Variants in CASS4 observed in about 807,000 individuals in gnomAD.
CASS4 encodes the protein cas scaffolding protein family member 4.
Under a neutral mutation model 54.2 loss-of-function variants are expected in CASS4, and 22 were observed. The observed-to-expected ratio is 0.41, with a 90% CI of 0.29 to 0.58. The LOEUF is 0.58. CASS4 is among the 20% of genes least tolerant of loss of function. CASS4 has a pLI of 0.36. For synonymous variants in CASS4, 409 were observed against 391.5 expected (o/e 1.04, Z -0.53); for missense variants, 854 against 986.7 (o/e 0.87, Z 1.80).
intron 1 of CASS4, among the ~76,000 whole-genome samples, chr20:56,425,913 C>G (rs1226445474): frequency 6.6e-6 from 1 of 152,188 alleles, no homozygotes; most frequent in African/African-American, 2.4e-5. Flanking sequence ...CAATGCAGAC[C>G]TATGCTCATC....
intron 2 of CASS4, among the ~76,000 whole-genome samples, chr20:56,441,448 C>A (rs556623191): frequency 6.6e-6 from 1 of 151,822 alleles, no homozygotes; most frequent in South Asian, 2.1e-4. Flanking sequence ...CTACTAAAAA[C>A]ACAAAAATTA....
Position 56,450,604 on chromosome 20 carries a change from A to G in CASS4, c.567A>G (p.Pro189=). The G allele has an allele frequency of 6.2e-7, 1 of 1,614,190 alleles. No individual in the cohort carries two copies. Among genetic ancestry groups the G allele is most frequent in the South Asian group, 1.1e-5 (1 of 91,076 alleles). ...QHRGPVVLKE[P]EKQQLYDIPA... is the part of the protein sequence containing the mutation. ...CCTTTGTGGTCTTTCCCCAGGAGCCAGAGAAGCAGCAGTTATATGACATAC... is the reference window on the plus strand; with the variant it reads ...CCTTTGTGGTCTTTCCCCAGGAGCCGGAGAAGCAGCAGTTATATGACATAC... The change falls in exon 4 of 6, where the codon CCA becomes CCG. Residue 189 remains proline, a synonymous_variant. Transcript: ENST00000679887.
chr20:56,453,438 A>G (rs1981139120), intron 5 of CASS4: 2 of 216,550 alleles, frequency 9.2e-6, no homozygotes, highest in Non-Finnish European at 1.8e-5. Context: ...TTATTTGAGT[A>G]GATTTTTAAA....
intron 3 of CASS4, among the ~76,000 whole-genome samples, chr20:56,449,529 G>T (rs1980891784): frequency 6.6e-6 from 1 of 152,046 alleles, no homozygotes; most frequent in Non-Finnish European, 1.5e-5. Context: ...GTTAATGGGT[G>T]CAGCACACCA....
Position 56,447,223 on chromosome 20 carries a change from A to G in CASS4, c.561+1222A>G, listed in dbSNP as rs200563468. On this transcript the variant is annotated intron_variant, in intron 3 of 5. Coordinates refer to ENST00000679887, the MANE Select transcript of CASS4 (RefSeq NM_020356.4). ...ACTCTGTCTGAAAAAAAAAAAAATC[A>G]AAATCAAAAATTAAAAAAAAAAGAA... 8.0e-5 allele frequency among the ~76,000 whole-genome samples: 12 copies of G among 150,730 alleles called. No individual in the cohort carries two copies. In the East Asian group the frequency reaches 1.8e-3, roughly 22 times the overall value.
At position 56,453,032 on chromosome 20, in the gene CASS4, C is replaced by G; in HGVS notation, c.1856C>G (p.Thr619Ser). Reference sequence around the variant, plus strand: ...TACATCCAGCCTCCCCAAAGAGAAACTGAATCACACCAAAAGAGTACCCCT... The same window carrying G: ...TACATCCAGCCTCCCCAAAGAGAAAGTGAATCACACCAAAAGAGTACCCCT... ...EKYIQPPQRE[T>S]ESHQKSTPST... The change falls in exon 5 of 6, where the codon ACT (threonine) becomes AGT (serine). Residue 619 changes from threonine (T) to serine (S), a missense_variant. Physicochemically the swap from Thr to Ser is moderately conservative, Grantham distance 58. Coordinates refer to ENST00000679887, the MANE Select transcript of CASS4 (RefSeq NM_020356.4). The G allele has an allele frequency of 6.2e-7, 1 of 1,614,088 alleles. No homozygotes were observed. Among genetic ancestry groups the G allele is most frequent in the South Asian group, 1.1e-5 (1 of 91,086 alleles).
intron 1 of CASS4, among the ~76,000 whole-genome samples, chr20:56,429,081 G>C (rs1979777770): frequency 6.6e-6 from 1 of 152,254 alleles, no homozygotes; most frequent in Non-Finnish European, 1.5e-5. Context: ...CCCCGGCCTA[G>C]AGAGGGGATT....
At chr20:56,450,094 C>T (rs973545781) in intron 3 of CASS4, among the ~76,000 whole-genome samples, 6 of 151,182 alleles carry the variant, frequency 4.0e-5, no homozygotes, top group Admixed American at 1.3e-4. Flanking sequence ...CACAATGGTG[C>T]GATCTTGGCT....
chr20:56,447,689 G>C (rs1420680994), intron 3 of CASS4, among the ~76,000 whole-genome samples: 2 of 152,208 alleles, frequency 1.3e-5, no homozygotes, highest in African/African-American at 2.4e-5. Flanking sequence ...CTCTGGGGCA[G>C]GCAGGTCATT....
intron 2 of CASS4, among the ~76,000 whole-genome samples, chr20:56,440,432 CCT>C (rs1444224042): frequency 1.3e-5 from 2 of 152,184 alleles, no homozygotes; most frequent in African/African-American, 4.8e-5. Flanking sequence ...GATGCGCTGT[CCT>C]CTGTTGGTTG....
intron 1 of CASS4, among the ~76,000 whole-genome samples, chr20:56,417,790 T>G (rs1979217021): frequency 6.6e-6 from 1 of 152,220 alleles, no homozygotes; most frequent in Non-Finnish European, 1.5e-5. Flanking sequence ...CTCTCAGCTC[T>G]CTAACCCCTA....
chr20:56,452,392 A>G lies in CASS4; in HGVS notation c.1216A>G (p.Arg406Gly). 1.2e-6 allele frequency: 2 copies of G among 1,614,026 alleles called. No homozygotes were observed. The highest frequency in any genetic ancestry group is 2.2e-5 in the South Asian group (2 of 91,084). Reference sequence around the variant, plus strand: ...ATTATCAGGTTCCAGTTCTGACAGCAGAGCTAGCATCGTTTCCTCGTGCTC... The same window carrying G: ...ATTATCAGGTTCCAGTTCTGACAGCGGAGCTAGCATCGTTTCCTCGTGCTC... ...DRLSGSSSDS[R>G]ASIVSSCSTT... Residue 406 changes from arginine to glycine, a missense_variant, in exon 5 of 6, where the codon AGA (arginine) becomes GGA (glycine). Arg to Gly is a moderately radical substitution (Grantham distance 125). Transcript: ENST00000679887.
At chr20:56,418,457 G>T (rs1332376560) in intron 1 of CASS4, among the ~76,000 whole-genome samples, 1 of 152,178 alleles carries the variant, frequency 6.6e-6, no homozygotes, top group African/African-American at 2.4e-5. Flanking sequence ...GAAACCACCA[G>T]CCCACTTAAA....
chr20:56,426,375 C>T (rs930990952), intron 1 of CASS4, among the ~76,000 whole-genome samples: 4 of 152,182 alleles, frequency 2.6e-5, no homozygotes, highest in Non-Finnish European at 5.9e-5. Flanking sequence ...GTTGAGAACC[C>T]GCGAGCTATC....
At chr20:56,440,988 A>ATTT (rs751312557) in intron 2 of CASS4, among the ~76,000 whole-genome samples, 24 of 134,934 alleles carry the variant, frequency 1.8e-4, no homozygotes, top group African/African-American at 5.2e-4. Context: ...AAAAAAAAAA[A>ATTT]TTTTTTTTTT....
intron 5 of CASS4, chr20:56,453,795 G>A (rs910983918): frequency 6.6e-6 from 1 of 152,342 alleles, no homozygotes; most frequent in Non-Finnish European, 1.5e-5. Flanking sequence ...TATCCCTTGA[G>A]ACCAGGAGTT....
intron 1 of CASS4, among the ~76,000 whole-genome samples, chr20:56,431,189 G>A (rs1979887621): frequency 6.6e-6 from 1 of 152,192 alleles, no homozygotes; most frequent in Admixed American, 6.5e-5. Context: ...AAGAAAGTCT[G>A]CCTCTGAGAT....
In CASS4 at chr20:56,458,513, C is replaced by T. The variant is rs372142142; in HGVS notation, c.2127C>T (p.Val709=). The change falls in exon 6 of 6, where the codon GTC becomes GTT. Residue 709 remains valine (V), a synonymous_variant. Coordinates refer to ENST00000679887, the MANE Select transcript of CASS4 (RefSeq NM_020356.4). The part of the protein sequence containing the change: ...PAEIITQSKL[V]IMVGQKLVDT... ...AGATCATCACTCAGAGCAAGCTGGT[C>T]ATCATGGTGGGACAGAAGCTGGTGG... The T allele has an allele frequency of 6.8e-6, 11 of 1,614,160 alleles. No homozygotes were observed. Among genetic ancestry groups the T allele is most frequent in the Admixed American group, 1.7e-5 (1 of 60,020 alleles).
rs375384896 is a variant in CASS4, at chr20:56,445,886, C to G, written c.460-14C>G. On this transcript the variant is annotated splice_polypyrimidine_tract_variant and intron_variant, in intron 2 of 5. Transcript: ENST00000679887. ...ACATTTCCTTTTCCTCTTTTCTCCTCCTTTCTCTCCAAGGCCATCCTCACG... is the reference window on the plus strand; with the variant it reads ...ACATTTCCTTTTCCTCTTTTCTCCTGCTTTCTCTCCAAGGCCATCCTCACG... 179 of 1,592,332 alleles carry G rather than the reference C, an allele frequency of 1.1e-4. No homozygotes were observed. The highest frequency in any genetic ancestry group is 1.4e-4 in the Non-Finnish European group (158 of 1,160,886).
Sources: gnomAD v4.1 joint callset for allele counts (sites outside exome capture counted in the v4.1 genomes callset) on GRCh38, gnomAD v4.1.1 for gene constraint, MANE v1.5 for transcripts, NCBI Gene and HGNC (gene_info 2026-07-23, HGNC 2026-07-21) for gene names.